Variants in ORAI2 observed in about 807,000 individuals in gnomAD.
The protein encoded by ORAI2 is protein orai-2.
Under a neutral mutation model 16.2 loss-of-function variants are expected in ORAI2, and 10 were observed. The ratio of observed to expected loss-of-function variants is 0.62; its 90% confidence interval spans 0.38 to 1.04. The LOEUF (loss-of-function observed/expected upper bound fraction) is 1.04. Ranked by LOEUF, ORAI2 falls within the 50% of genes least tolerant of loss-of-function variation. The pLI is 0.01. For missense variants in ORAI2, 238 were observed against 355.5 expected (o/e 0.67, Z 2.66); for synonymous variants, 150 against 157.5 (o/e 0.95, Z 0.35).
At chr7:102,438,846 G>T (rs1563634291) in intron 2 of ORAI2, 98 bp from the exon 3 acceptor site, 5 of 1,129,598 alleles carry the variant, frequency 4.4e-6, no homozygotes, top group Non-Finnish European at 6.6e-6. Context: ...GGCGTGGGCT[G>T]TATATGGCAG....
Position 102,446,590 on chromosome 7 carries a change from C to T in ORAI2, c.303C>T (p.Thr101=), listed in dbSNP as rs954711331. 6.2e-7 allele frequency: 1 copy of T among 1,613,636 alleles called. No homozygotes were observed. The highest frequency in any genetic ancestry group is 1.3e-5 in the African/African-American group (1 of 74,954). ...TGCTGATTGCCTTCAGCGCCTGCAC[C>T]ACGGTGCTGGTGGCCGTGCACCTGT... ...RPLLIAFSAC[T]TVLVAVHLFA... is the part of the protein sequence containing the mutation. Residue 101 remains threonine, a synonymous_variant, in exon 4 of 4, where the codon ACC becomes ACT. Transcript: ENST00000495936.
intron 2 of ORAI2, 23 bp from the exon 3 acceptor site, chr7:102,438,921 G>A (rs755733659): frequency 1.2e-6 from 2 of 1,607,734 alleles, no homozygotes; most frequent in Non-Finnish European, 1.7e-6. Context: ...GGATGTCTGA[G>A]CATGTCTCTC....
chr7:102,449,404 A>T lies in ORAI2; in HGVS notation c.*2352A>T, dbSNP rs980363338. 1 of 151,710 alleles carries T rather than the reference A, an allele frequency of 6.6e-6. No homozygotes were observed. The highest frequency in any genetic ancestry group is 2.0e-4 in the East Asian group (1 of 5,118). The allele number at this position is 151,710 out of a possible 1,614,324, so 9.4% of individuals were successfully genotyped here. ...CATAGCGAGACCCCATGTCTAAAAA[A>T]ATTATTTTAAATTAGCCAGGCCGGG... On this transcript the variant is annotated 3_prime_UTR_variant, in exon 4 of 4. Transcript: ENST00000495936.
In ORAI2 at chr7:102,446,838, C is replaced by A. The variant is rs1031595730; in HGVS notation, c.551C>A (p.Pro184His). The stretch of plus-strand genomic sequence containing the variant: ...GTGGATGCCCGGCGCCAGCCTGGCC[C>A]CCCACCTGGCCCTGGGAGTCACACG... ...LPVDARRQPG[P>H]PPGPGSHTGW... is the part of the protein sequence containing the mutation. The change falls in exon 4 of 4, where the codon CCC becomes CAC. Residue 184 changes from proline (P) to histidine (H), a missense_variant. By Grantham distance (77) the Pro-to-His change is moderately conservative. Around this residue, in one of 3 missense-constraint regions of ORAI2, gnomAD observed 176 missense variants for 265.9 expected, o/e 0.66. Transcript: ENST00000495936. 1 of 1,613,694 alleles carries A rather than the reference C, an allele frequency of 6.2e-7. No individual in the cohort carries two copies.
chr7:102,440,772 T>C (rs1018547809), intron 3 of ORAI2, among the ~76,000 whole-genome samples: 2 of 152,106 alleles, frequency 1.3e-5, no homozygotes, highest in Non-Finnish European at 1.5e-5. Flanking sequence ...GGTGCAATCA[T>C]GGCTCACTGC....
At chr7:102,438,573 G>A (rs936185896) in intron 2 of ORAI2, among the ~76,000 whole-genome samples, 1 of 152,086 alleles carries the variant, frequency 6.6e-6, no homozygotes. Flanking sequence ...TCAGGAGTTC[G>A]AGACCAGCCT....
intron 2 of ORAI2, among the ~76,000 whole-genome samples, chr7:102,437,972 C>G (rs1457310506): frequency 6.6e-6 from 1 of 152,128 alleles, no homozygotes; most frequent in East Asian, 1.9e-4. Context: ...TCCCTTGAAC[C>G]TAAGAGTTCG....
rs1455831281 is a variant in ORAI2, at chr7:102,433,582, C to A, written c.-202C>A. 1 of 150,238 alleles carries A rather than the reference C, an allele frequency of 6.7e-6. No individual in the cohort carries two copies. The highest frequency in any genetic ancestry group is 2.4e-5 in the African/African-American group (1 of 41,170). The allele number at this position is 150,238 out of a possible 1,614,324, so 9.3% of individuals were successfully genotyped here. On this transcript the variant is annotated 5_prime_UTR_variant, in exon 1 of 4. Coordinates refer to ENST00000495936, the MANE Select transcript of ORAI2 (RefSeq NM_001126340.3). The surrounding 1 kb of genome is among the most constrained non-coding windows in gnomAD (Gnocchi z 4.6). ...AGGGAGGGGGCCGCGCTCGGCGCCC[C>A]GGCCGGGCCACTGGGCCACAGGCCA... is the stretch of plus-strand genomic sequence containing the variant.
At chr7:102,442,760 G>A (rs1231618352) in intron 3 of ORAI2, among the ~76,000 whole-genome samples, 2 of 152,086 alleles carry the variant, frequency 1.3e-5, no homozygotes, top group Admixed American at 1.3e-4. Flanking sequence ...GGAGGCTGAA[G>A]TGGGAGGATC....
rs917157668 is a variant in ORAI2 at position 102,438,828 on chromosome 7, T to G, written c.-13-116T>G. 14 of 901,996 alleles carry G rather than the reference T, an allele frequency of 1.6e-5. No homozygotes were observed. In the East Asian group the frequency reaches 3.4e-4, roughly 22 times the overall value. The allele number at this position is 901,996 out of a possible 1,614,324, so 55.9% of individuals were successfully genotyped here. ...AGGTCCTGGGCACTTTCTAAACCCC[T>G]GGGCTCTGGCGTGGGCTGTATATGG... On this transcript the variant is annotated intron_variant, in intron 2 of 3. Coordinates refer to ENST00000495936, the MANE Select transcript of ORAI2 (RefSeq NM_001126340.3).
At chr7:102,443,681 G>A (rs1362234848) in intron 3 of ORAI2, among the ~76,000 whole-genome samples, 3 of 151,832 alleles carry the variant, frequency 2.0e-5, no homozygotes, top group Non-Finnish European at 2.9e-5. Flanking sequence ...GTTGTTTTTC[G>A]GCTCTGGTCC....
At chr7:102,434,559 CT>C (rs1797013405) in intron 1 of ORAI2, among the ~76,000 whole-genome samples, 2 of 152,348 alleles carry the variant, frequency 1.3e-5, no homozygotes, top group South Asian at 4.1e-4. Flanking sequence ...CCCACCCTTA[CT>C]GATGGGGCAT....
intron 3 of ORAI2, among the ~76,000 whole-genome samples, chr7:102,442,663 G>A (rs781182808): frequency 2.0e-5 from 3 of 151,828 alleles, no homozygotes; most frequent in South Asian, 2.1e-4. Context: ...CTCCAGCCTC[G>A]GTGGCAGAGC....
intron 2 of ORAI2, among the ~76,000 whole-genome samples, chr7:102,437,740 A>G (rs1261415227): frequency 6.6e-6 from 1 of 152,076 alleles, no homozygotes; most frequent in Non-Finnish European, 1.5e-5. Flanking sequence ...CTTCAGATGC[A>G]TTATCTTATT....
intron 2 of ORAI2, 137 bp downstream of exon 2, chr7:102,436,470 C>A: frequency 2.4e-6 from 1 of 419,752 alleles, no homozygotes. Flanking sequence ...CACCTTCCTG[C>A]GTAATTTCCA....
In ORAI2 at chr7:102,448,206, G is replaced by A. The variant is rs1014598792; in HGVS notation, c.*1154G>A. 2.0e-5 allele frequency: 3 copies of A among 152,396 alleles called. No homozygotes were observed. The highest frequency in any genetic ancestry group is 4.4e-5 in the Non-Finnish European group (3 of 68,154). 9.4% of individuals were successfully genotyped at this position (152,396 alleles called of 1,614,324 possible). A position where few individuals can be genotyped will look rare whatever the true frequency, so the allele number is the denominator to read the frequency against. On this transcript the variant is annotated 3_prime_UTR_variant, in exon 4 of 4. Coordinates refer to ENST00000495936, the MANE Select transcript of ORAI2 (RefSeq NM_001126340.3). Reference sequence around the variant, plus strand: ...CCTCCAGGCCTCTCAGCCGACACTGGGTCCCACCACACACAGTGACTGTGC... The same window carrying A: ...CCTCCAGGCCTCTCAGCCGACACTGAGTCCCACCACACACAGTGACTGTGC...
At chr7:102,443,128 CTTCTTTT>C (rs1305240141) in intron 3 of ORAI2, among the ~76,000 whole-genome samples, 1,613 of 24,684 alleles carry the variant, frequency 0.065, 34 homozygotes, top group African/African-American at 0.12. Flanking sequence ...TCTTCTTCTT[CTTCTTTT>C]TTTTTTTTTT....
intron 3 of ORAI2, among the ~76,000 whole-genome samples, chr7:102,441,538 CAA>C (rs1339250821): frequency 1.7e-5 from 1 of 59,272 alleles, no homozygotes. Flanking sequence ...GACTGCATCT[CAA>C]AAAAAAAAAA....
chr7:102,441,802 C>G (rs964530214), intron 3 of ORAI2, among the ~76,000 whole-genome samples: 1 of 152,024 alleles, frequency 6.6e-6, no homozygotes, highest in African/African-American at 2.4e-5. Flanking sequence ...CTTGGGGGAG[C>G]CGCAGTGCAC....
Sources: allele counts gnomAD v4.1 joint callset (sites outside exome capture counted in the v4.1 genomes callset), GRCh38; gene constraint gnomAD v4.1.1; regional missense constraint gnomAD v4.1.1; non-coding constraint Gnocchi (gnomAD v3.1); transcripts MANE v1.5; gene names NCBI Gene and HGNC (gene_info 2026-07-23, HGNC 2026-07-21).